Variants in ACTR10 observed in about 807,000 individuals in gnomAD.
The protein encoded by ACTR10 is actin-related protein 10.
ACTR10 carries 43 observed loss-of-function variants against 56.2 expected under a neutral mutation model. The ratio of observed to expected loss-of-function variants is 0.77; its 90% confidence interval spans 0.60 to 0.99. The LOEUF (loss-of-function observed/expected upper bound fraction) is 0.99, where lower values mean the gene tolerates loss of function less well. Among genes scored for constraint, ACTR10 ranks in the 50% least tolerant of loss-of-function variants. The pLI, the probability that ACTR10 is intolerant of heterozygous loss-of-function variation, is 0.00. For missense variants in ACTR10, 466 were observed against 507.8 expected (o/e 0.92, Z 0.79); for synonymous variants, 170 against 176.3 (o/e 0.96, Z 0.28).
At chr14:58,215,594 C>G (rs1015978281) in intron 7 of ACTR10, among the ~76,000 whole-genome samples, 1 of 151,800 alleles carries the variant, frequency 6.6e-6, no homozygotes, top group Non-Finnish European at 1.5e-5. Context: ...CTCTGGTTTC[C>G]TCTGCTCTTG....
At chr14:58,219,313 C>T (rs1181662852) in intron 7 of ACTR10, among the ~76,000 whole-genome samples, 1 of 152,044 alleles carries the variant, frequency 6.6e-6, no homozygotes, top group East Asian at 1.9e-4. Context: ...TATTTAGAAC[C>T]TAATTCAAAA....
chr14:58,209,046 C>T lies in ACTR10; in HGVS notation c.281C>T (p.Ser94Leu), dbSNP rs768311278. 3.7e-6 allele frequency: 6 copies of T among 1,612,646 alleles called. No individual in the cohort carries two copies. The highest frequency in any genetic ancestry group is 3.3e-5 in the South Asian group (3 of 90,850). ...PRDRRVVIIE[S>L]VLCPSHFRET... Reference sequence around the variant, plus strand: ...GACCGCCGAGTTGTGATTATCGAATCGGTATTATGTCCTTCTCACTTCAGA... The same window carrying T: ...GACCGCCGAGTTGTGATTATCGAATTGGTATTATGTCCTTCTCACTTCAGA... Residue 94 changes from serine to leucine, a missense_variant, in exon 4 of 13, where the codon TCG becomes TTG. Ser to Leu is a moderately radical substitution (Grantham distance 145). Transcript: ENST00000254286.
chr14:58,229,782 A>C (rs1002328624), intron 10 of ACTR10, among the ~76,000 whole-genome samples: 5 of 151,792 alleles, frequency 3.3e-5, no homozygotes, highest in Non-Finnish European at 5.9e-5. Flanking sequence ...TTATGTGTGT[A>C]TATATATGTA....
At chr14:58,205,536 G>C (rs1264265940) in intron 2 of ACTR10, among the ~76,000 whole-genome samples, 1 of 151,920 alleles carries the variant, frequency 6.6e-6, no homozygotes, top group Non-Finnish European at 1.5e-5. Flanking sequence ...AGAATGGTCT[G>C]TATCTCCTGA....
chr14:58,206,421 G>A (rs1339067114), intron 2 of ACTR10, among the ~76,000 whole-genome samples: 2 of 151,950 alleles, frequency 1.3e-5, no homozygotes, highest in African/African-American at 2.4e-5. Context: ...GACCTCAGGT[G>A]ATCCACCCGC....
At chr14:58,201,819 A>G (rs1386304198) in intron 1 of ACTR10, among the ~76,000 whole-genome samples, 1 of 152,116 alleles carries the variant, frequency 6.6e-6, no homozygotes, top group Non-Finnish European at 1.5e-5. Context: ...CAGCCTGGGC[A>G]ACATGGGGAA....
chr14:58,215,340 CT>C, intron 7 of ACTR10, 56 bp downstream of exon 7: 1 of 1,155,786 alleles, frequency 8.7e-7, no homozygotes, highest in East Asian at 2.4e-5. Flanking sequence ...TGTTCTTCAA[CT>C]TGTATTTTAG....
chr14:58,229,036 A>T (rs993596225), intron 10 of ACTR10, among the ~76,000 whole-genome samples: 2 of 152,172 alleles, frequency 1.3e-5, no homozygotes, highest in Admixed American at 1.3e-4. Context: ...TATAACTATA[A>T]TATGATATCA....
At chr14:58,230,756 G>A (rs971968447) in intron 11 of ACTR10, among the ~76,000 whole-genome samples, 9 of 141,496 alleles carry the variant, frequency 6.4e-5, no homozygotes, top group Non-Finnish European at 1.4e-4. Flanking sequence ...GAGTGCCATG[G>A]ACATGTGCTT....
At chr14:58,206,520 A>G (rs1393647732) in intron 2 of ACTR10, among the ~76,000 whole-genome samples, 1 of 152,168 alleles carries the variant, frequency 6.6e-6, no homozygotes, top group Non-Finnish European at 1.5e-5. Context: ...GATACCTAAA[A>G]AATTATTTAT....
intron 8 of ACTR10, among the ~76,000 whole-genome samples, chr14:58,219,960 G>C (rs1015981006): frequency 7.2e-5 from 11 of 152,106 alleles, no homozygotes; most frequent in Non-Finnish European, 1.2e-4. Context: ...ATTGTATACA[G>C]AGTATACAGG....
intron 12 of ACTR10, among the ~76,000 whole-genome samples, chr14:58,233,889 T>C (rs546577870): frequency 2.0e-5 from 3 of 152,346 alleles, no homozygotes; most frequent in South Asian, 4.1e-4. Context: ...GACAAATTGA[T>C]TTAGTAATGG....
In ACTR10 at chr14:58,203,341, A is replaced by G. The variant is rs116889412; in HGVS notation, c.150+414A>G. ...AAAAAAGAAACAAGAAACAGTACTA[A>G]ATATATACTTTGTGGCTATATTTCC... On this transcript the variant is annotated intron_variant, in intron 2 of 12. Coordinates refer to ENST00000254286, the MANE Select transcript of ACTR10 (RefSeq NM_018477.3). 4.0e-3 allele frequency among the ~76,000 whole-genome samples: 605 copies of G among 151,868 alleles called. 4 individuals are homozygous for G. The highest frequency in any genetic ancestry group is 7.2e-3 in the Non-Finnish European group (492 of 67,950).
At chr14:58,216,398 G>A (rs1391209543) in intron 7 of ACTR10, among the ~76,000 whole-genome samples, 2 of 152,092 alleles carry the variant, frequency 1.3e-5, no homozygotes, top group Non-Finnish European at 2.9e-5. Context: ...CCAAAATGCT[G>A]GGATTACAGC....
intron 12 of ACTR10, among the ~76,000 whole-genome samples, chr14:58,233,692 A>G (rs2140067355): frequency 6.6e-6 from 1 of 152,308 alleles, no homozygotes; most frequent in East Asian, 1.9e-4. Context: ...AGCTGTAACT[A>G]CTTTGAAGGG....
At chr14:58,233,595 G>T (rs764644831) in intron 12 of ACTR10, among the ~76,000 whole-genome samples, 1 of 152,212 alleles carries the variant, frequency 6.6e-6, no homozygotes, top group Non-Finnish European at 1.5e-5. Flanking sequence ...ACTATTGGTA[G>T]TTAAGTTTTC....
At chr14:58,229,225 GAGTAAA>G (rs1159741355) in intron 10 of ACTR10, among the ~76,000 whole-genome samples, 1 of 152,034 alleles carries the variant, frequency 6.6e-6, no homozygotes, top group Non-Finnish European at 1.5e-5. Flanking sequence ...TCTAGAAACA[GAGTAAA>G]ACAGTGGTTG....
At chr14:58,210,761 G>A (rs1410504365) in intron 4 of ACTR10, among the ~76,000 whole-genome samples, 2 of 148,524 alleles carry the variant, frequency 1.3e-5, no homozygotes, top group Admixed American at 1.4e-4. Context: ...TGCAACCTCC[G>A]CCTCCTGGGT....
chr14:58,204,764 G>A (rs1888815750), intron 2 of ACTR10, among the ~76,000 whole-genome samples: 1 of 152,086 alleles, frequency 6.6e-6, no homozygotes, highest in African/African-American at 2.4e-5. Context: ...AGATCTGAAA[G>A]CATATCTACC....
Sources: gnomAD v4.1 joint callset for allele counts (sites outside exome capture counted in the v4.1 genomes callset) on GRCh38, gnomAD v4.1.1 for gene constraint, MANE v1.5 for transcripts, NCBI Gene and HGNC (gene_info 2026-07-23, HGNC 2026-07-21) for gene names.